Variants in SORCS3 observed in about 807,000 individuals in gnomAD.
SORCS3 encodes the protein VPS10 domain-containing receptor SorCS3.
SORCS3 carries 57 observed loss-of-function variants against 146.3 expected under a neutral mutation model. The ratio of observed to expected loss-of-function variants is 0.39; its 90% CI spans 0.31 to 0.49. SORCS3 has a LOEUF of 0.49. SORCS3 is among the 20% of genes least tolerant of loss of function. The probability of loss-of-function intolerance (pLI) is 0.92; values close to 1 mark genes in which losing one functional copy is unlikely to be tolerated. For missense variants in SORCS3, 1,341 were observed against 1,575.5 expected (o/e 0.85, Z 2.52); for synonymous variants, 653 against 618.5 (o/e 1.06, Z -0.83).
chr10:105,125,055 C>T (rs2055963571), intron 7 of SORCS3, among the ~76,000 whole-genome samples: 1 of 152,134 alleles, frequency 6.6e-6, no homozygotes, highest in Non-Finnish European at 1.5e-5. Flanking sequence ...CTTAGGTGTT[C>T]TTTGTCTACG....
intron 2 of SORCS3, among the ~76,000 whole-genome samples, chr10:104,864,317 C>T (rs1318122921): frequency 6.6e-6 from 1 of 152,078 alleles, no homozygotes; most frequent in Non-Finnish European, 1.5e-5. Context: ...TTATTGCAAC[C>T]ACAGCCCTGG....
chr10:105,050,094 A>T (rs1564742717), intron 5 of SORCS3, among the ~76,000 whole-genome samples: 1 of 152,010 alleles, frequency 6.6e-6, no homozygotes, highest in Non-Finnish European at 1.5e-5. Flanking sequence ...CATTCAAAAT[A>T]TTACCCAAAC....
intron 2 of SORCS3, among the ~76,000 whole-genome samples, chr10:104,897,749 G>C (rs1301220561): frequency 2.0e-5 from 3 of 152,194 alleles, no homozygotes; most frequent in Non-Finnish European, 4.4e-5. Flanking sequence ...AGTCTTTCTT[G>C]CAAGTGAAGC....
intron 5 of SORCS3, among the ~76,000 whole-genome samples, chr10:105,058,838 A>G (rs774595016): frequency 1.2e-4 from 18 of 152,246 alleles, no homozygotes; most frequent in Non-Finnish European, 2.6e-4. Context: ...GCAATGTTCA[A>G]TAGAATAGAG....
chr10:104,694,758 A>G (rs141572817), intron 1 of SORCS3, among the ~76,000 whole-genome samples: 1 of 152,194 alleles, frequency 6.6e-6, no homozygotes, highest in Non-Finnish European at 1.5e-5. Context: ...ATACTCCCAC[A>G]CTAATTTACC....
chr10:104,641,357 AG>A lies in SORCS3; in HGVS notation c.32del (p.Gly11AlafsTer158). 1 of 1,384,466 alleles carries A rather than the reference AG, an allele frequency of 7.2e-7. No homozygotes were observed. Among genetic ancestry groups the A allele is most frequent in the Non-Finnish European group, 9.3e-7 (1 of 1,073,294 alleles). 85.8% of individuals were successfully genotyped at this position (1,384,466 alleles called of 1,614,324 possible). A position where few individuals can be genotyped will look rare whatever the true frequency, so the allele number is the denominator to read the frequency against. MEAARTERPA[G>X]RPGAPLVRTG... ...AGGCGGCGCGCACGGAGCGCCCCGCAGGCAGGCCGGGGGCGCCGCTTGTCCG... is the reference window on the plus strand; with the variant it reads ...AGGCGGCGCGCACGGAGCGCCCCGCAGCAGGCCGGGGGCGCCGCTTGTCCG... On this transcript the variant is annotated frameshift_variant, in exon 1 of 27. Transcript: ENST00000369701. LOFTEE classifies it high-confidence loss of function. This position sits in a 1 kb window ranked among gnomAD's most constrained non-coding sequence, Gnocchi z 6.4.
intron 5 of SORCS3, among the ~76,000 whole-genome samples, chr10:105,081,566 A>G (rs758718869): frequency 2.6e-5 from 4 of 152,162 alleles, no homozygotes; most frequent in Non-Finnish European, 4.4e-5. Context: ...TGTCTGACCT[A>G]TTTTATATGG....
intron 3 of SORCS3, among the ~76,000 whole-genome samples, chr10:104,925,119 C>T (rs2019128701): frequency 6.6e-6 from 1 of 152,078 alleles, no homozygotes; most frequent in Admixed American, 6.5e-5. Flanking sequence ...TTCATGTGTT[C>T]TCATTATTTA....
At chr10:104,825,965 A>C (rs753027533) in intron 1 of SORCS3, among the ~76,000 whole-genome samples, 1 of 152,154 alleles carries the variant, frequency 6.6e-6, no homozygotes, top group Non-Finnish European at 1.5e-5. Flanking sequence ...CAGTTACCAA[A>C]TTCTGCAAAG....
In SORCS3 at chr10:104,743,503, G is replaced by A. The variant is rs372515381; in HGVS notation, c.628-99289G>A. Among the ~76,000 whole-genome samples, 21 of 152,294 alleles carry A rather than the reference G, an allele frequency of 1.4e-4. No homozygotes were observed. In the South Asian group the frequency reaches 3.3e-3, roughly 24 times the overall value. The stretch of plus-strand genomic sequence containing the variant: ...AGTGCAGGGAGGCCAAGTTTAATGC[G>A]TTCCTAATGTAGTAGAAGGCAGTGG... On this transcript the variant is annotated intron_variant, in intron 1 of 26. Transcript: ENST00000369701.
intron 14 of SORCS3, among the ~76,000 whole-genome samples, chr10:105,179,810 T>A (rs2056431963): frequency 6.6e-6 from 1 of 152,222 alleles, no homozygotes; most frequent in South Asian, 2.1e-4. Flanking sequence ...ATAGGAGTTT[T>A]AAAATATTAT....
chr10:104,648,299 T>C (rs1204863462), intron 1 of SORCS3, among the ~76,000 whole-genome samples: 2 of 152,218 alleles, frequency 1.3e-5, no homozygotes, highest in Non-Finnish European at 2.9e-5. Flanking sequence ...CAGCCTGCCT[T>C]GGACCCTGCT....
intron 13 of SORCS3, among the ~76,000 whole-genome samples, chr10:105,170,139 A>G (rs2056347327): frequency 6.6e-6 from 1 of 152,152 alleles, no homozygotes; most frequent in Admixed American, 6.6e-5. Flanking sequence ...TACATGGAAG[A>G]GAGTGTTGGT....
chr10:104,756,406 T>C (rs2017051427), intron 1 of SORCS3, among the ~76,000 whole-genome samples: 1 of 152,214 alleles, frequency 6.6e-6, no homozygotes, highest in Non-Finnish European at 1.5e-5. Flanking sequence ...CTTGGTTTAT[T>C]TTTATCTATA....
At chr10:104,696,552 GAATATATAATATACGTATAT>G (rs1230566034) in intron 1 of SORCS3, among the ~76,000 whole-genome samples, 4 of 28,218 alleles carry the variant, frequency 1.4e-4, no homozygotes, top group African/African-American at 4.8e-4. Flanking sequence ...ATATAATATA[GAATATATAATATACGTATAT>G]AATATATAAT....
intron 4 of SORCS3, among the ~76,000 whole-genome samples, chr10:105,034,764 A>G (rs1346225370): frequency 6.6e-6 from 1 of 152,198 alleles, no homozygotes; most frequent in East Asian, 1.9e-4. Context: ...TAAGGCTGCC[A>G]TATTAACTGG....
At chr10:104,731,026 G>C (rs183465618) in intron 1 of SORCS3, among the ~76,000 whole-genome samples, 26 of 152,322 alleles carry the variant, frequency 1.7e-4, no homozygotes, top group Non-Finnish European at 1.9e-4. Flanking sequence ...GGTTGAATTG[G>C]ATGCAGAGTG....
At chr10:105,230,415 C>A (rs2056759721) in intron 20 of SORCS3, among the ~76,000 whole-genome samples, 1 of 152,058 alleles carries the variant, frequency 6.6e-6, no homozygotes, top group South Asian at 2.1e-4. Flanking sequence ...TTAGTGGCAG[C>A]CATAGTCAGG....
rs750616672 is a variant in SORCS3 at position 105,094,739 on chromosome 10, A to G, written c.1093+4900A>G. ...ATGACCTAAGCAAGTTAGGGGAACCATCTCAGAAACAGAATGTTTGATTTG... is the reference window on the plus strand; with the variant it reads ...ATGACCTAAGCAAGTTAGGGGAACCGTCTCAGAAACAGAATGTTTGATTTG... On this transcript the variant is annotated intron_variant, in intron 6 of 26. Coordinates refer to ENST00000369701, the MANE Select transcript of SORCS3 (RefSeq NM_014978.3). Among the ~76,000 whole-genome samples, 3 of 152,232 alleles carry G rather than the reference A, an allele frequency of 2.0e-5. 1 individual carries two copies. Among genetic ancestry groups the G allele is most frequent in the Non-Finnish European group, 2.9e-5 (2 of 68,036 alleles).
Sources: gnomAD v4.1 joint callset for allele counts (sites outside exome capture counted in the v4.1 genomes callset) on GRCh38, gnomAD v4.1.1 for gene constraint, Gnocchi (gnomAD v3.1) non-coding constraint, MANE v1.5 for transcripts, NCBI Gene and HGNC (gene_info 2026-07-23, HGNC 2026-07-21) for gene names.